Variants in MTMR11 observed in about 807,000 individuals in gnomAD.
MTMR11 encodes myotubularin-related protein 11.
In MTMR11, 89 loss-of-function variants were observed where a neutral mutation model predicts 100.0. The observed-to-expected ratio is 0.89, with a 90% CI of 0.75 to 1.06. MTMR11 has a LOEUF of 1.06. Among genes scored for constraint, MTMR11 ranks in the 50% least tolerant of loss-of-function variants. The pLI is 0.00. For synonymous variants in MTMR11, 336 were observed against 326.3 expected (o/e 1.03, Z -0.32); for missense variants, 809 against 873.7 (o/e 0.93, Z 0.93).
In MTMR11 at chr1:149,935,056, A is replaced by G. The variant is rs1553768720; in HGVS notation, c.398T>C (p.Ile133Thr). ...LHKFIPEEIL[I>T]HGRDFRLLRV... The stretch of plus-strand genomic sequence containing the variant: ...GAGCAGCCGGAAGTCTCGGCCATGA[A>G]TCAGAATCTCCTCAGGGATAAATTT... Residue 133 changes from isoleucine to threonine, a missense_variant, in exon 5 of 17, where the codon ATT (isoleucine) becomes ACT (threonine). Ile to Thr is a moderately conservative substitution (Grantham distance 89). Transcript: ENST00000439741. The G allele has an allele frequency of 6.2e-7, 1 of 1,614,162 alleles. No homozygotes were observed. The highest frequency in any genetic ancestry group is 2.2e-5 in the East Asian group (1 of 44,870).
intron 16 of MTMR11, 143 bp from the exon 17 acceptor site, chr1:149,929,460 C>G (rs1424796009): frequency 8.4e-7 from 1 of 1,190,014 alleles, no homozygotes; most frequent in Non-Finnish European, 1.2e-6. Flanking sequence ...CAAGCACTTT[C>G]CCGCACCTCC....
At chr1:149,931,466 C>T in intron 12 of MTMR11, 40 bp from the exon 13 acceptor site, 1 of 1,524,028 alleles carries the variant, frequency 6.6e-7, no homozygotes, top group Non-Finnish European at 8.8e-7. Flanking sequence ...GAAGAGGGGT[C>T]CAAGAAACTA....
intron 12 of MTMR11, 32 bp downstream of exon 12, chr1:149,931,912 A>C (rs2092665320): frequency 1.3e-6 from 2 of 1,571,370 alleles, no homozygotes; most frequent in African/African-American, 2.7e-5. Flanking sequence ...AAAAGAGGCA[A>C]GGAATGGAAT....
chr1:149,930,100 A>T (rs782728885), intron 15 of MTMR11, 184 bp from the exon 16 acceptor site: 1 of 745,092 alleles, frequency 1.3e-6, no homozygotes, highest in Non-Finnish European at 2.2e-6. Flanking sequence ...GGGACTGATT[A>T]AGGTTGATTT....
rs782725048 is a variant in MTMR11 at position 149,934,228 on chromosome 1, C to A, written c.646G>T (p.Val216Phe). Residue 216 changes from valine (V) to phenylalanine (F), a missense_variant, in exon 7 of 17, where the codon GTC becomes TTC. By Grantham distance (50) the Val-to-Phe change is conservative (BLOSUM62 -1). Coordinates refer to ENST00000439741, the MANE Select transcript of MTMR11 (RefSeq NM_001145862.2). The stretch of plus-strand genomic sequence containing the variant: ...TCGAACCTCTCGTTGACCGTGCTGA[C>A]CCTCCAGCCTCTGGCTGCCTGCTTC... ...RKKQAARGWR[V>F]STVNERFDVA... The A allele has an allele frequency of 6.2e-7, 1 of 1,614,178 alleles. No homozygotes were observed. Among genetic ancestry groups the A allele is most frequent in the Non-Finnish European group, 8.5e-7 (1 of 1,180,042 alleles).
Position 149,931,722 on chromosome 1 carries a change from TGGAA to T in MTMR11, c.1123+218_1123+221del. The T allele has an allele frequency of 8.6e-6, 5 of 581,014 alleles. 1 individual carries two copies. The South Asian group carries it at 1.1e-4, about 13-fold the overall frequency. 36.0% of individuals were successfully genotyped at this position (581,014 alleles called of 1,614,324 possible). On this transcript the variant is annotated intron_variant, in intron 12 of 16. Coordinates refer to ENST00000439741, the MANE Select transcript of MTMR11 (RefSeq NM_001145862.2). ...CCCAACCCCAGTCTCCATCCGCTGA[TGGAA>T]GGAAAGGAACAAAGGGGCTAAGACC...
At chr1:149,934,887 T>C (rs782767475) in intron 5 of MTMR11, 99 bp downstream of exon 5, 3 of 1,406,528 alleles carry the variant, frequency 2.1e-6, no homozygotes, top group African/African-American at 2.9e-5. Context: ...GGGGGAATGA[T>C]GAGAGGATCC....
In MTMR11 at chr1:149,934,084, T is replaced by A. The variant is rs1372553512; in HGVS notation, c.683+107A>T. On this transcript the variant is annotated intron_variant, in intron 7 of 16. Transcript: ENST00000439741. ...CTAGGAGGCAAGGGAGATAGCTTTG[T>A]GGGTGTCCTAGGAGGCTGGAGTTTG... The A allele has an allele frequency of 3.8e-6, 6 of 1,570,380 alleles. No homozygotes were observed. The African/African-American group carries it at 8.1e-5, about 21-fold the overall frequency.
chr1:149,933,522 T>C lies in MTMR11; in HGVS notation c.869A>G (p.Glu290Gly), dbSNP rs1553768149. Residue 290 changes from glutamate to glycine, a missense_variant, in exon 10 of 17, where the codon GAG becomes GGG. Glu to Gly is a moderately conservative substitution (Grantham distance 98, BLOSUM62 -2). Transcript: ENST00000439741. ...TGAATGCCCAGCCTGGAGCATCAACTCCACTGCTCTGGAGGGGAGGGAGTC... is the reference window on the plus strand; with the variant it reads ...TGAATGCCCAGCCTGGAGCATCAACCCCACTGCTCTGGAGGGGAGGGAGTC... ...DPNKEDIRAV[E>G]LMLQAGHSDV... is the part of the protein sequence containing the mutation. 2.5e-6 allele frequency: 4 copies of C among 1,614,036 alleles called. No homozygotes were observed. The highest frequency in any genetic ancestry group is 3.4e-6 in the Non-Finnish European group (4 of 1,179,948).
rs782341855 is a variant in MTMR11 at position 149,932,031 on chromosome 1, G to A, written c.1053-17C>T. 2 of 1,597,102 alleles carry A rather than the reference G, an allele frequency of 1.3e-6. No homozygotes were observed. The highest frequency in any genetic ancestry group is 8.6e-7 in the Non-Finnish European group (1 of 1,164,700). ...AGACAAGCCCTGGAGGAGCAGGTGA[G>A]GAAGAGGGAGGAAGAATGATAAGCC... On this transcript the variant is annotated splice_polypyrimidine_tract_variant and intron_variant, in intron 11 of 16. Transcript: ENST00000439741.
chr1:149,934,449 A>G lies in MTMR11; in HGVS notation c.546T>C (p.Ala182=). ...TTACCCTAAAGCACTCTCACTCACC[A>G]GCCTTGCTCAGGGTTATCCCCGAAT... is the stretch of plus-strand genomic sequence containing the variant. ...QQYSGITLSK[A]GQGSGSRKPP... is the part of the protein sequence containing the mutation. The change falls in exon 6 of 17, where the codon GCT becomes GCC. Residue 182 remains alanine, a splice_region_variant and synonymous_variant. Transcript: ENST00000439741. 6.2e-7 allele frequency: 1 copy of G among 1,614,222 alleles called. No homozygotes were observed. The highest frequency in any genetic ancestry group is 8.5e-7 in the Non-Finnish European group (1 of 1,180,030).
Position 149,931,191 on chromosome 1 carries a change from A to G in MTMR11, c.1290+69T>C, listed in dbSNP as rs1183019748. 1.9e-6 allele frequency: 3 copies of G among 1,598,224 alleles called. No homozygotes were observed. In the African/African-American group the frequency reaches 4.0e-5, roughly 21 times the overall value. Reference sequence around the variant, plus strand: ...ACCGGATTCACCTCCAATGGATTATACAAAATAATTTCTCATTCTCTTACT... The same window carrying G: ...ACCGGATTCACCTCCAATGGATTATGCAAAATAATTTCTCATTCTCTTACT... On this transcript the variant is annotated intron_variant, in intron 13 of 16. Coordinates refer to ENST00000439741, the MANE Select transcript of MTMR11 (RefSeq NM_001145862.2).
intron 2 of MTMR11, 33 bp downstream of exon 2, chr1:149,936,121 G>C (rs782424911): frequency 6.3e-7 from 1 of 1,584,312 alleles, no homozygotes; most frequent in Non-Finnish European, 8.6e-7. Flanking sequence ...GATGAAATTT[G>C]GAAGTCTTTG....
intron 6 of MTMR11, 21 bp from the exon 7 acceptor site, chr1:149,934,347 AGAG>A (rs782091013): frequency 4.0e-5 from 65 of 1,613,992 alleles, no homozygotes; most frequent in Non-Finnish European, 5.4e-5. Context: ...AGTGAGACAT[AGAG>A]GAGGAAGGAG....
At chr1:149,931,551 G>A in intron 12 of MTMR11, 125 bp from the exon 13 acceptor site, 2 of 867,352 alleles carry the variant, frequency 2.3e-6, no homozygotes, top group South Asian at 1.9e-5. Context: ...TGGGGTAGGA[G>A]GATTGAGAAA....
intron 1 of MTMR11, 24 bp downstream of exon 1, chr1:149,936,558 A>G: frequency 1.4e-6 from 2 of 1,473,628 alleles, no homozygotes; most frequent in Non-Finnish European, 1.9e-6. Context: ...TCTTGCCGAC[A>G]CCCCCCAAAT....
At chr1:149,932,837 G>C (rs1350260075) in intron 10 of MTMR11, among the ~76,000 whole-genome samples, 1 of 151,916 alleles carries the variant, frequency 6.6e-6, no homozygotes, top group Non-Finnish European at 1.5e-5. Context: ...TGTAATCCCA[G>C]CTACTCAGGA....
intron 12 of MTMR11, 37 bp downstream of exon 12, chr1:149,931,907 A>G: frequency 6.4e-7 from 1 of 1,560,074 alleles, no homozygotes; most frequent in Non-Finnish European, 8.8e-7. Flanking sequence ...TAAAGAAAAG[A>G]GGCAAGGAAT....
At chr1:149,932,109 A>G in intron 11 of MTMR11, 95 bp from the exon 12 acceptor site, 1 of 1,392,872 alleles carries the variant, frequency 7.2e-7, no homozygotes, top group South Asian at 1.2e-5. Flanking sequence ...GGCCGACTCC[A>G]AATCCTACCC....
Sources: allele counts gnomAD v4.1 joint callset (sites outside exome capture counted in the v4.1 genomes callset), GRCh38; gene constraint gnomAD v4.1.1; transcripts MANE v1.5; gene names NCBI Gene and HGNC (gene_info 2026-07-23, HGNC 2026-07-21).